Variants in FGD3 observed in about 807,000 individuals in gnomAD.
FGD3 encodes the protein FYVE, RhoGEF and PH domain containing 3.
A neutral mutation model predicts 71.8 loss-of-function variants in FGD3; 45 were observed. That is an observed-to-expected ratio of 0.63 (90% confidence interval 0.49 to 0.80). The LOEUF is 0.80. Ranked by LOEUF, FGD3 falls within the 30% of genes least tolerant of loss-of-function variation. The pLI, the probability that FGD3 is intolerant of heterozygous loss-of-function variation, is 0.00. For synonymous variants in FGD3, 378 were observed against 392.8 expected (o/e 0.96, Z 0.44); for missense variants, 844 against 951.5 (o/e 0.89, Z 1.49).
chr9:92,976,852 G>A lies in FGD3; in HGVS notation c.453+143G>A, dbSNP rs981206349. ...GTGCTGTGTGCAAGGGGAGGTCCTG[G>A]GATGCAGTCTGCCCTAGAAAAGCCT... On this transcript the variant is annotated intron_variant, in intron 3 of 17. Transcript: ENST00000375482. The A allele has an allele frequency of 5.1e-6, 5 of 983,576 alleles. No individual in the cohort carries two copies. In the African/African-American group the frequency reaches 8.2e-5, roughly 16 times the overall value. 60.9% of individuals were successfully genotyped at this position (983,576 alleles called of 1,614,324 possible).
intron 1 of FGD3, among the ~76,000 whole-genome samples, chr9:92,965,437 G>T (rs1859285604): frequency 6.6e-6 from 1 of 152,240 alleles, no homozygotes; most frequent in Non-Finnish European, 1.5e-5. Flanking sequence ...AGTGGCCCCA[G>T]AGCCGGGTGG....
At chr9:93,029,468 C>G (rs541517035) in intron 14 of FGD3, among the ~76,000 whole-genome samples, 1 of 152,244 alleles carries the variant, frequency 6.6e-6, no homozygotes, top group East Asian at 1.9e-4. Flanking sequence ...CATGGCCACA[C>G]GGCTCCAGTT....
At chr9:92,976,972 C>T (rs1859785369) in intron 3 of FGD3, among the ~76,000 whole-genome samples, 2 of 152,228 alleles carry the variant, frequency 1.3e-5, no homozygotes, top group African/African-American at 2.4e-5. Context: ...GCACAGTGGG[C>T]ACCTCCCGAC....
Position 93,035,559 on chromosome 9 carries a change from T to G in FGD3, c.2148T>G (p.Leu716=). ...TAQDSPGALQ[L]QVPMGAAAP The stretch of plus-strand genomic sequence containing the variant: ...AGGACAGCCCGGGGGCCCTGCAGCT[T>G]CAGGTCCCTATGGGCGCAGCTGCTC... The change falls in exon 18 of 18, where the codon CTT becomes CTG. Residue 716 remains leucine (L), a synonymous_variant. Coordinates refer to ENST00000375482, the MANE Select transcript of FGD3 (RefSeq NM_001083536.2). 6.2e-7 allele frequency: 1 copy of G among 1,601,064 alleles called. No individual in the cohort carries two copies. The highest frequency in any genetic ancestry group is 8.5e-7 in the Non-Finnish European group (1 of 1,176,214).
Position 93,013,977 on chromosome 9 carries a change from C to G in FGD3, c.1161C>G (p.Pro387=). The change falls in exon 9 of 18, where the codon CCC becomes CCG. Residue 387 remains proline, a synonymous_variant. Coordinates refer to ENST00000375482, the MANE Select transcript of FGD3 (RefSeq NM_001083536.2). ...IQKLSAKNGT[P]QDRHLFLFNS... is the part of the protein sequence containing the mutation. ...AACTGTCAGCCAAGAACGGCACCCC[C>G]CAGGACCGCCACCTCTTCCTGGTGA... 1 of 1,609,262 alleles carries G rather than the reference C, an allele frequency of 6.2e-7. No homozygotes were observed. The highest frequency in any genetic ancestry group is 1.1e-5 in the South Asian group (1 of 90,222).
intron 1 of FGD3, among the ~76,000 whole-genome samples, chr9:92,966,960 CTTTTTTT>C (rs541720789): frequency 2.8e-5 from 4 of 142,544 alleles, no homozygotes; most frequent in African/African-American, 1.0e-4. Context: ...CATCTTTTTT[CTTTTTTT>C]TTTTTTTGGG....
chr9:93,017,105 T>TA (rs1171497682), intron 10 of FGD3, among the ~76,000 whole-genome samples: 5 of 152,004 alleles, frequency 3.3e-5, no homozygotes, highest in African/African-American at 4.8e-5. Flanking sequence ...CGTGTCTCTA[T>TA]AAAAAATAAA....
chr9:93,020,176 G>T, intron 12 of FGD3, 141 bp from the exon 13 acceptor site: 1 of 746,872 alleles, frequency 1.3e-6, no homozygotes, highest in Non-Finnish European at 2.1e-6. Context: ...TTGGTAGGGG[G>T]GAAGGGAGAT....
intron 1 of FGD3, among the ~76,000 whole-genome samples, chr9:92,952,863 T>C (rs4297085): frequency 0.97 from 148,345 of 152,282 alleles, 72,289 homozygotes; most frequent in East Asian, 1. Flanking sequence ...CCCGAGGTCC[T>C]CCAGCTCAGC....
At chr9:92,955,591 C>T (rs529633893) in intron 1 of FGD3, among the ~76,000 whole-genome samples, 2 of 152,256 alleles carry the variant, frequency 1.3e-5, no homozygotes, top group African/African-American at 4.8e-5. Context: ...ATACTGTGGG[C>T]CTTTACCCGG....
At chr9:93,028,242 A>G (rs989197973) in intron 14 of FGD3, among the ~76,000 whole-genome samples, 8 of 141,012 alleles carry the variant, frequency 5.7e-5, no homozygotes, top group East Asian at 4.1e-4. Flanking sequence ...ACACACCCCA[A>G]TTTTCTGTAA....
rs35969028 is a variant in FGD3 at position 92,952,233 on chromosome 9, A to ATT, written c.-218+4523_-218+4524dup. 3.7e-3 allele frequency among the ~76,000 whole-genome samples: 477 copies of ATT among 127,772 alleles called. 7 individuals are homozygous for ATT. Among genetic ancestry groups the ATT allele is most frequent in the East Asian group, 0.011 (48 of 4,476 alleles). 83.8% of individuals were successfully genotyped at this position (127,772 alleles called of 152,430 possible). On this transcript the variant is annotated intron_variant, in intron 1 of 17. Coordinates refer to ENST00000375482, the MANE Select transcript of FGD3 (RefSeq NM_001083536.2). ...ATACACATATCATTGTTGAAAGTCA[A>ATT]TTTTTTTTTTTTTTTTTTTTGGAGA...
chr9:92,976,948 C>T (rs1859784787), intron 3 of FGD3, among the ~76,000 whole-genome samples: 1 of 152,338 alleles, frequency 6.6e-6, no homozygotes, highest in African/African-American at 2.4e-5. Context: ...TCCTGAGTCT[C>T]AGTTTCCACA....
Position 92,999,250 on chromosome 9 carries a change from G to T in FGD3, c.454-3675G>T, listed in dbSNP as rs181336679. On this transcript the variant is annotated intron_variant, in intron 3 of 17. Coordinates refer to ENST00000375482, the MANE Select transcript of FGD3 (RefSeq NM_001083536.2). ...CTGTGCAAGCAGTGAGCAAGGCTCC[G>T]TGGGCGTGGGACCCTCTGAGCCAGG... Among the ~76,000 whole-genome samples the T allele has an allele frequency of 8.5e-5, 13 of 152,336 alleles. No homozygotes were observed. The East Asian group carries it at 9.6e-4, about 11-fold the overall frequency.
At chr9:93,022,655 G>T (rs1861967820) in intron 14 of FGD3, among the ~76,000 whole-genome samples, 1 of 152,128 alleles carries the variant, frequency 6.6e-6, no homozygotes, top group Non-Finnish European at 1.5e-5. Flanking sequence ...TCAGTGTGGG[G>T]ATGTCCATTA....
intron 3 of FGD3, among the ~76,000 whole-genome samples, chr9:92,980,970 CA>C (rs367690417): frequency 1.5e-3 from 180 of 116,614 alleles, no homozygotes; most frequent in East Asian, 5.4e-3. Context: ...GACTCCATCT[CA>C]AAAAAAAAAA....
At chr9:92,959,412 C>T (rs1350125805) in intron 1 of FGD3, among the ~76,000 whole-genome samples, 6 of 151,968 alleles carry the variant, frequency 3.9e-5, no homozygotes, top group African/African-American at 1.5e-4. Flanking sequence ...CAGCACATCT[C>T]TGACATTGGG....
intron 1 of FGD3, among the ~76,000 whole-genome samples, chr9:92,966,800 GCTGGCCTGGTACAGGGC>G (rs1419456731): frequency 1.3e-5 from 2 of 152,376 alleles, no homozygotes; most frequent in South Asian, 4.1e-4. Flanking sequence ...TGACAAGGAG[GCTGGCCTGGTACAGGGC>G]CTTGCCCTTC....
At chr9:93,032,445 C>T (rs745858356) in intron 15 of FGD3, 18 of 273,742 alleles carry the variant, frequency 6.6e-5, no homozygotes, top group Non-Finnish European at 1.2e-4. Flanking sequence ...ATTTGATTTG[C>T]GTTTCCCTGA....
Sources: gnomAD v4.1 joint callset for allele counts (sites outside exome capture counted in the v4.1 genomes callset) on GRCh38, gnomAD v4.1.1 for gene constraint, MANE v1.5 for transcripts, NCBI Gene and HGNC (gene_info 2026-07-23, HGNC 2026-07-21) for gene names.